The following ADGRV1 variants were observed in gnomAD, a reference collection of about 807,000 sequenced individuals.
ADGRV1 encodes G-protein coupled receptor 98.
A neutral mutation model predicts 596.2 loss-of-function variants in ADGRV1; 359 were observed. The ratio of observed to expected loss-of-function variants is 0.60; its 90% CI spans 0.55 to 0.66. ADGRV1 has a LOEUF of 0.66. Among genes scored for constraint, ADGRV1 ranks in the 30% least tolerant of loss-of-function variants. The probability of loss-of-function intolerance (pLI) is 0.00; values close to 1 mark genes in which losing one functional copy is unlikely to be tolerated. For synonymous variants in ADGRV1, 2,681 were observed against 2,679.2 expected (o/e 1.00, Z -0.02); for missense variants, 7,274 against 7,575.6 (o/e 0.96, Z 1.48).
chr5:90,754,946 G>C, intron 54 of ADGRV1, 37 bp from the exon 55 acceptor site: 1 of 1,450,978 alleles, frequency 6.9e-7, no homozygotes, highest in Non-Finnish European at 9.7e-7. Flanking sequence ...ACAGCAAATA[G>C]AAAAGACTAT....
chr5:90,681,357 C>A lies in ADGRV1; in HGVS notation c.5567C>A (p.Ala1856Asp). 1 of 1,613,818 alleles carries A rather than the reference C, an allele frequency of 6.2e-7. No homozygotes were observed. Among genetic ancestry groups the A allele is most frequent in the Non-Finnish European group, 8.5e-7 (1 of 1,179,802 alleles). The change falls in exon 27 of 90, where the codon GCC becomes GAC. Residue 1856 changes from alanine (A) to aspartate (D), a missense_variant. Physicochemically the swap from Ala to Asp is moderately radical, Grantham distance 126. Coordinates refer to ENST00000405460, the MANE Select transcript of ADGRV1 (RefSeq NM_032119.4). ...VASQILVTIAASDHAHGVFEF... is the reference protein window; with the variant it reads ...VASQILVTIADSDHAHGVFEF... ...TCCCAAATTCTAGTGACAATTGCAG[C>A]CTCTGACCACGCTCATGGCGTATTT...
intron 83 of ADGRV1, among the ~76,000 whole-genome samples, chr5:90,956,598 T>C (rs555238063): frequency 6.6e-6 from 1 of 152,224 alleles, no homozygotes. Flanking sequence ...CTTTGTAATA[T>C]TCAAATGATC....
At chr5:90,932,691 A>T (rs140297893) in intron 83 of ADGRV1, among the ~76,000 whole-genome samples, 3 of 151,612 alleles carry the variant, frequency 2.0e-5, no homozygotes, top group Non-Finnish European at 2.9e-5. Context: ...AATTGAAAAC[A>T]TTAAGTCACC....
chr5:91,014,306 G>A (rs752602277), intron 85 of ADGRV1, among the ~76,000 whole-genome samples: 26 of 151,862 alleles, frequency 1.7e-4, no homozygotes, highest in East Asian at 5.8e-4. Flanking sequence ...TTTTTGCATC[G>A]ATGTTTATCA....
intron 87 of ADGRV1, among the ~76,000 whole-genome samples, chr5:91,137,437 C>T (rs1051722912): frequency 6.6e-5 from 10 of 152,178 alleles, no homozygotes; most frequent in African/African-American, 2.2e-4. Flanking sequence ...TTTTAACTGC[C>T]TCATATTGTA....
chr5:91,128,243 G>T (rs73771187), intron 87 of ADGRV1, among the ~76,000 whole-genome samples: 8 of 151,486 alleles, frequency 5.3e-5, no homozygotes, highest in Non-Finnish European at 1.0e-4. Flanking sequence ...TCCCCTTATC[G>T]CAGCATTTAT....
At chr5:90,595,868 C>G (rs1490723175) in intron 1 of ADGRV1, among the ~76,000 whole-genome samples, 1 of 148,302 alleles carries the variant, frequency 6.7e-6, no homozygotes, top group Non-Finnish European at 1.5e-5. Flanking sequence ...CCGGACGGGG[C>G]GGCTGGCCTG....
chr5:90,602,612 C>A (rs1323247840), intron 1 of ADGRV1, among the ~76,000 whole-genome samples: 5 of 152,006 alleles, frequency 3.3e-5, no homozygotes, highest in African/African-American at 1.2e-4. Context: ...CCAAAGTCAT[C>A]AAAAATAAGA....
At chr5:90,993,868 A>C (rs1298908856) in intron 85 of ADGRV1, among the ~76,000 whole-genome samples, 1 of 150,906 alleles carries the variant, frequency 6.6e-6, no homozygotes, top group African/African-American at 2.4e-5. Flanking sequence ...ATATTGGTAC[A>C]TTTGATGCTG....
At chr5:90,729,376 G>A (rs1351269997) in intron 49 of ADGRV1, among the ~76,000 whole-genome samples, 2 of 152,046 alleles carry the variant, frequency 1.3e-5, no homozygotes, top group East Asian at 3.9e-4. Flanking sequence ...GGGTAAAATT[G>A]CAACATTCCT....
intron 85 of ADGRV1, among the ~76,000 whole-genome samples, chr5:91,012,605 G>A (rs1334336179): frequency 6.6e-6 from 1 of 151,920 alleles, no homozygotes; most frequent in Non-Finnish European, 1.5e-5. Context: ...GTCAAGTAAT[G>A]TGCTCAATGC....
At chr5:91,104,665 C>T (rs1044607681) in intron 87 of ADGRV1, among the ~76,000 whole-genome samples, 3 of 151,986 alleles carry the variant, frequency 2.0e-5, no homozygotes, top group East Asian at 1.9e-4. Flanking sequence ...AGCTTCCACA[C>T]ATGAGTGAGA....
chr5:90,848,683 C>A lies in ADGRV1; in HGVS notation c.17066C>A (p.Thr5689Asn). Reference sequence around the variant, plus strand: ...CAAGCTTTCAGTGTTGCCAGCCGAACTCTTTTCTATGAGATTCTTTGTTCT... The same window carrying A: ...CAAGCTTTCAGTGTTGCCAGCCGAAATCTTTTCTATGAGATTCTTTGTTCT... ...KIQAFSVASR[T>N]LFYEILCSLI... Residue 5689 changes from threonine (T) to asparagine (N), a missense_variant, in exon 79 of 90, where the codon ACT (threonine) becomes AAT (asparagine). This residue lies in a region of ADGRV1 where 1,874 missense variants were observed against 1,970.2 expected (regional missense o/e 0.95). Transcript: ENST00000405460. 6.4e-7 allele frequency: 1 copy of A among 1,567,190 alleles called. No homozygotes were observed. The highest frequency in any genetic ancestry group is 1.4e-5 in the African/African-American group (1 of 73,054).
Position 90,763,486 on chromosome 5 carries a change from C to T in ADGRV1, c.12285+17C>T. 2.5e-6 allele frequency: 4 copies of T among 1,586,372 alleles called. No homozygotes were observed. In the South Asian group the frequency reaches 4.6e-5, roughly 18 times the overall value. On this transcript the variant is annotated intron_variant, in intron 59 of 89. Coordinates refer to ENST00000405460, the MANE Select transcript of ADGRV1 (RefSeq NM_032119.4). Reference sequence around the variant, plus strand: ...TTTGATGAGGTATAGTCAGCATTAGCACTCCTGTAATTTTTCCCCAATTTG... The same window carrying T: ...TTTGATGAGGTATAGTCAGCATTAGTACTCCTGTAATTTTTCCCCAATTTG...
chr5:90,874,267 T>G (rs1328689120), intron 83 of ADGRV1, among the ~76,000 whole-genome samples: 2 of 152,176 alleles, frequency 1.3e-5, no homozygotes, highest in African/African-American at 4.8e-5. Context: ...TGGAAAGTTC[T>G]GCCCCAGTGT....
chr5:90,778,079 C>A, intron 62 of ADGRV1, 36 bp downstream of exon 62: 3 of 1,542,632 alleles, frequency 1.9e-6, no homozygotes, highest in Non-Finnish European at 1.8e-6. Context: ...ATGCCCTTTA[C>A]TCTCTGTGCT....
intron 83 of ADGRV1, among the ~76,000 whole-genome samples, chr5:90,962,143 C>A (rs1297954632): frequency 6.6e-6 from 1 of 152,188 alleles, no homozygotes; most frequent in Non-Finnish European, 1.5e-5. Flanking sequence ...TATAGTTCTT[C>A]CTTCGTTATT....
rs779032465 is a variant in ADGRV1, at chr5:90,853,281, T to C, written c.17205-3T>C. The stretch of plus-strand genomic sequence containing the variant: ...TTACAGACCCTTTGCTTTTCTGTTG[T>C]AGAAGCAAAACCATCCTTGATAGTT... On this transcript the variant is annotated splice_polypyrimidine_tract_variant and splice_region_variant and intron_variant, in intron 79 of 89. Transcript: ENST00000405460. 1 of 1,598,160 alleles carries C rather than the reference T, an allele frequency of 6.3e-7. No individual in the cohort carries two copies. The highest frequency in any genetic ancestry group is 2.2e-5 in the East Asian group (1 of 44,678).
rs534907971 is a variant in ADGRV1, at chr5:90,915,886, G to A, written c.17857-49529G>A. Among the ~76,000 whole-genome samples, 113 of 152,288 alleles carry A rather than the reference G, an allele frequency of 7.4e-4. 1 individual carries two copies. The highest frequency in any genetic ancestry group is 2.6e-3 in the African/African-American group (108 of 41,544). ...AACACTGAGACTCTAATGGTAAGGC[G>A]TTTGGCCATACCTAACATAATTTAT... On this transcript the variant is annotated intron_variant, in intron 83 of 89. Coordinates refer to ENST00000405460, the MANE Select transcript of ADGRV1 (RefSeq NM_032119.4).
Sources: gnomAD v4.1 joint callset for allele counts (sites outside exome capture counted in the v4.1 genomes callset) on GRCh38, gnomAD v4.1.1 for gene constraint, gnomAD v4.1.1 regional missense constraint, MANE v1.5 for transcripts, NCBI Gene and HGNC (gene_info 2026-07-23, HGNC 2026-07-21) for gene names.